SLC7A2: variants seen among roughly 807,000 people sequenced by gnomAD.
The protein encoded by SLC7A2 is cationic amino acid transporter 2.
In SLC7A2, 48 loss-of-function variants were observed where a neutral mutation model predicts 58.9. The ratio of observed to expected loss-of-function variants is 0.82; its 90% CI spans 0.65 to 1.04. SLC7A2 has a LOEUF of 1.04. Among genes scored for constraint, SLC7A2 ranks in the 50% least tolerant of loss-of-function variants. The probability of loss-of-function intolerance (pLI) is 0.00; values close to 1 mark genes in which losing one functional copy is unlikely to be tolerated. For missense variants in SLC7A2, 1,029 were observed against 818.8 expected, an observed-to-expected ratio of 1.26 and a Z score of -3.13; for synonymous variants, 363 against 314.5, an observed-to-expected ratio of 1.15 and a Z score of -1.63.
At chr8:17,495,070 C>A (rs992200773), upstream of SLC7A2, among the ~76,000 whole-genome samples, 3 of 152,040 alleles carry the variant, frequency 2.0e-5, no homozygotes, top group Non-Finnish European at 2.9e-5. Flanking sequence ...AAACACAGAG[C>A]CTTTAAGTAA....
chr8:17,554,732 G>A (rs1379477486), intron 8 of SLC7A2, 33 bp downstream of exon 8: 14 of 1,585,216 alleles, frequency 8.8e-6, no homozygotes, highest in Non-Finnish European at 1.2e-5. Flanking sequence ...TCAGAAACGG[G>A]GGATCTTTTT....
intron 4 of SLC7A2, among the ~76,000 whole-genome samples, chr8:17,547,302 A>G (rs981273840): frequency 6.6e-6 from 1 of 152,136 alleles, no homozygotes; most frequent in African/African-American, 2.4e-5. Flanking sequence ...TTATAAAACC[A>G]TCAGATCTCA....
chr8:17,506,841 C>G (rs991158225), intron 2 of SLC7A2, among the ~76,000 whole-genome samples: 3 of 151,726 alleles, frequency 2.0e-5, no homozygotes, highest in Admixed American at 2.0e-4. Flanking sequence ...GGTTAGACAG[C>G]TAGGGGTAGA....
intron 10 of SLC7A2, among the ~76,000 whole-genome samples, chr8:17,561,481 T>C (rs1003063050): frequency 6.6e-6 from 1 of 152,144 alleles, no homozygotes; most frequent in East Asian, 1.9e-4. Context: ...GTTCCTCCCA[T>C]AACACATGGA....
chr8:17,535,640 C>G (rs537418788), intron 2 of SLC7A2, among the ~76,000 whole-genome samples: 1 of 152,156 alleles, frequency 6.6e-6, no homozygotes, highest in Non-Finnish European at 1.5e-5. Flanking sequence ...CGGTGGCTTA[C>G]GCCTGTAATC....
At chr8:17,530,402 G>C (rs562718703) in intron 2 of SLC7A2, among the ~76,000 whole-genome samples, 34 of 152,076 alleles carry the variant, frequency 2.2e-4, no homozygotes, top group African/African-American at 8.0e-4. Context: ...AGACTTATGT[G>C]CTAAGGGTAG....
At chr8:17,505,886 GT>G in intron 2 of SLC7A2, among the ~76,000 whole-genome samples, 1 of 152,230 alleles carries the variant, frequency 6.6e-6, no homozygotes, top group African/African-American at 2.4e-5. Flanking sequence ...GGCCTTATCA[GT>G]TTTTACAATG....
intron 2 of SLC7A2, among the ~76,000 whole-genome samples, chr8:17,538,490 A>C (rs547024263): frequency 6.6e-6 from 1 of 152,214 alleles, no homozygotes; most frequent in African/African-American, 2.4e-5. Context: ...ACCACATGTG[A>C]TAGTCTTTTA....
chr8:17,517,790 C>T (rs893911740), intron 2 of SLC7A2, among the ~76,000 whole-genome samples: 59 of 151,802 alleles, frequency 3.9e-4, no homozygotes, highest in African/African-American at 1.2e-3. Context: ...TCTTGATGAC[C>T]TTCAAATTTT....
chr8:17,505,895 A>G (rs1279573700), intron 2 of SLC7A2, among the ~76,000 whole-genome samples: 1 of 152,200 alleles, frequency 6.6e-6, no homozygotes, highest in Non-Finnish European at 1.5e-5. Flanking sequence ...AGTTTTTACA[A>G]TGTAAAATAA....
intron 2 of SLC7A2, among the ~76,000 whole-genome samples, chr8:17,533,811 C>T (rs917605523): frequency 6.6e-6 from 1 of 152,182 alleles, no homozygotes; most frequent in East Asian, 1.9e-4. Context: ...AGGTTTGTTA[C>T]ATAGGTAAAC....
intron 2 of SLC7A2, among the ~76,000 whole-genome samples, chr8:17,516,909 A>G (rs575960930): frequency 6.6e-6 from 1 of 152,308 alleles, no homozygotes; most frequent in East Asian, 1.9e-4. Flanking sequence ...AGTCAAACAA[A>G]TCCCTGTCTT....
At chr8:17,506,267 C>G (rs557929683) in intron 2 of SLC7A2, among the ~76,000 whole-genome samples, 139 of 152,304 alleles carry the variant, frequency 9.1e-4, no homozygotes, top group African/African-American at 3.1e-3. Context: ...CTGCTTTAAA[C>G]TCTCTTGAAA....
intron 8 of SLC7A2, among the ~76,000 whole-genome samples, chr8:17,557,287 A>G (rs1421186504): frequency 1.3e-5 from 2 of 152,198 alleles, no homozygotes; most frequent in African/African-American, 4.8e-5. Context: ...AATTCAAGTT[A>G]ATATTGTCAC....
At chr8:17,520,131 A>G (rs1171446709) in intron 2 of SLC7A2, among the ~76,000 whole-genome samples, 3 of 152,200 alleles carry the variant, frequency 2.0e-5, no homozygotes, top group Non-Finnish European at 4.4e-5. Flanking sequence ...ATAAGTGATA[A>G]AAGCATCTTA....
rs779471897 is a variant in SLC7A2 at position 17,565,004 on chromosome 8, G to A, written c.1835G>A (p.Arg612Lys). Residue 612 changes from arginine to lysine, a missense_variant, in exon 13 of 13, where the codon AGA (arginine) becomes AAA (lysine). Coordinates refer to ENST00000494857, the MANE Select transcript of SLC7A2 (RefSeq NM_001370338.1). ...AGACACAGCCTGGAGGGTCATCTGAGAGATGAAAACAATGAAGAAGATGCT... is the reference window on the plus strand; with the variant it reads ...AGACACAGCCTGGAGGGTCATCTGAAAGATGAAAACAATGAAGAAGATGCT... ...GIRHSLEGHLRDENNEEDAYP... is the reference protein window; with the variant it reads ...GIRHSLEGHLKDENNEEDAYP... 6 of 1,613,560 alleles carry A rather than the reference G, an allele frequency of 3.7e-6. No individual in the cohort carries two copies. Among genetic ancestry groups the A allele is most frequent in the Non-Finnish European group, 5.1e-6 (6 of 1,179,792 alleles).
At chr8:17,527,988 T>G (rs1801286028) in intron 2 of SLC7A2, among the ~76,000 whole-genome samples, 1 of 152,114 alleles carries the variant, frequency 6.6e-6, no homozygotes, top group Non-Finnish European at 1.5e-5. Context: ...CTAATTTAGC[T>G]CAAGGGAGTG....
At chr8:17,521,214 C>T (rs1335869486) in intron 2 of SLC7A2, among the ~76,000 whole-genome samples, 2 of 152,014 alleles carry the variant, frequency 1.3e-5, no homozygotes, top group South Asian at 4.2e-4. Context: ...AGAGGGAGGT[C>T]AAATAAATGT....
intron 2 of SLC7A2, among the ~76,000 whole-genome samples, chr8:17,502,670 G>C (rs182619137): frequency 2.5e-3 from 384 of 152,172 alleles, no homozygotes; most frequent in Middle Eastern, 3.4e-3. Flanking sequence ...GGGGGTTTTG[G>C]ACAAGAAATT....
Sources: allele counts gnomAD v4.1 joint callset (sites outside exome capture counted in the v4.1 genomes callset), GRCh38; gene constraint gnomAD v4.1.1; transcripts MANE v1.5; gene names NCBI Gene and HGNC (gene_info 2026-07-23, HGNC 2026-07-21).